SDK1: variants seen among roughly 807,000 people sequenced by gnomAD.
The protein encoded by SDK1 is protein sidekick-1.
In SDK1, 157 loss-of-function variants were observed where a neutral mutation model predicts 245.5. The observed-to-expected ratio is 0.64, with a 90% CI of 0.56 to 0.73. The LOEUF is 0.73. SDK1 is among the 30% of genes least tolerant of loss of function. The pLI is 0.00. For missense variants in SDK1, 3,583 were observed against 3,002.3 expected (o/e 1.19, Z -4.52); for synonymous variants, 1,647 against 1,278.5 (o/e 1.29, Z -6.15).
chr7:4,262,142 G>A (rs1788057893), intron 44 of SDK1, among the ~76,000 whole-genome samples: 1 of 146,322 alleles, frequency 6.8e-6, no homozygotes, highest in Non-Finnish European at 1.5e-5. Context: ...GGGTTCAAGG[G>A]ATTCTCCTGC....
chr7:3,326,771 A>G (rs1341649234), intron 1 of SDK1, among the ~76,000 whole-genome samples: 3 of 152,140 alleles, frequency 2.0e-5, no homozygotes, highest in Non-Finnish European at 4.4e-5. Context: ...ACTCATGGCT[A>G]ATTTTGGTTC....
At chr7:3,935,442 A>G (rs1168737764) in intron 5 of SDK1, among the ~76,000 whole-genome samples, 2 of 152,244 alleles carry the variant, frequency 1.3e-5, no homozygotes, top group African/African-American at 2.4e-5. Context: ...TGAAAAGGCA[A>G]CCTGTGGAAT....
At chr7:3,985,500 G>C (rs1313326493) in intron 13 of SDK1, among the ~76,000 whole-genome samples, 1 of 152,160 alleles carries the variant, frequency 6.6e-6, no homozygotes, top group Non-Finnish European at 1.5e-5. Context: ...AGAAATGACA[G>C]CTCTGCCCAG....
At chr7:3,710,367 T>C (rs1287401017) in intron 4 of SDK1, among the ~76,000 whole-genome samples, 1 of 152,242 alleles carries the variant, frequency 6.6e-6, no homozygotes, top group Non-Finnish European at 1.5e-5. Context: ...CTGGTTATTC[T>C]GTTGTTTCAT....
At chr7:3,477,354 C>G (rs1272906677) in intron 1 of SDK1, among the ~76,000 whole-genome samples, 1 of 151,388 alleles carries the variant, frequency 6.6e-6, no homozygotes, top group Non-Finnish European at 1.5e-5. Context: ...CGCCACCACA[C>G]CTGGTGAATT....
chr7:3,311,317 G>A (rs1257057395), intron 1 of SDK1, among the ~76,000 whole-genome samples: 1 of 152,126 alleles, frequency 6.6e-6, no homozygotes, highest in Non-Finnish European at 1.5e-5. Context: ...GTAAATAGAT[G>A]AGAACAAAAG....
chr7:3,638,954 C>G, intron 2 of SDK1, 50 bp from the exon 3 acceptor site: 1 of 1,142,778 alleles, frequency 8.8e-7, no homozygotes, highest in Non-Finnish European at 1.3e-6. Flanking sequence ...TTAGATATAA[C>G]CATGAAACAC....
rs1212098297 is a variant in SDK1 at position 4,193,456 on chromosome 7, A to G, written c.5099-12423A>G. Among the ~76,000 whole-genome samples, 5 of 148,948 alleles carry G rather than the reference A, an allele frequency of 3.4e-5. No individual in the cohort carries two copies. In the Admixed American group the frequency reaches 3.4e-4, roughly 10 times the overall value. Reference sequence around the variant, plus strand: ...GCACAAGGACCAACAATAGGCTGGGATATTGCCACTACTGGGGATGAGGAA... The same window carrying G: ...GCACAAGGACCAACAATAGGCTGGGGTATTGCCACTACTGGGGATGAGGAA... On this transcript the variant is annotated intron_variant, in intron 35 of 44. Coordinates refer to ENST00000404826, the MANE Select transcript of SDK1 (RefSeq NM_152744.4).
At chr7:3,674,474 TG>T (rs1349733637) in intron 4 of SDK1, among the ~76,000 whole-genome samples, 1 of 152,092 alleles carries the variant, frequency 6.6e-6, no homozygotes, top group African/African-American at 2.4e-5. Flanking sequence ...CAGGGGCCTT[TG>T]CTGAGGCTGG....
chr7:4,106,984 C>T (rs56309858), intron 22 of SDK1, among the ~76,000 whole-genome samples: 38,875 of 151,684 alleles, frequency 0.26, 5,098 homozygotes, highest in Middle Eastern at 0.29. Context: ...GCCAGACAGA[C>T]TGAATCCATA....
chr7:3,883,379 C>T (rs576623376), intron 5 of SDK1, among the ~76,000 whole-genome samples: 81 of 152,310 alleles, frequency 5.3e-4, no homozygotes, highest in Non-Finnish European at 5.7e-4. Context: ...CGTGCCTGAA[C>T]GGCTAAGTGC....
At chr7:3,329,413 C>T (rs1281543870) in intron 1 of SDK1, among the ~76,000 whole-genome samples, 1 of 152,056 alleles carries the variant, frequency 6.6e-6, no homozygotes, top group Non-Finnish European at 1.5e-5. Context: ...TGAAAGTGTA[C>T]AATTCAATAG....
At chr7:3,526,215 A>G (rs1295326949) in intron 1 of SDK1, among the ~76,000 whole-genome samples, 1 of 152,014 alleles carries the variant, frequency 6.6e-6, no homozygotes, top group Admixed American at 6.5e-5. Flanking sequence ...CCTGGGAGAC[A>G]GAGCGAGACT....
intron 5 of SDK1, among the ~76,000 whole-genome samples, chr7:3,950,057 C>T (rs902422942): frequency 1.3e-5 from 2 of 152,142 alleles, no homozygotes; most frequent in African/African-American, 4.8e-5. Flanking sequence ...ACTCTTAAAT[C>T]AATAAAAGAA....
intron 5 of SDK1, among the ~76,000 whole-genome samples, chr7:3,896,569 G>A (rs553424019): frequency 6.6e-6 from 1 of 152,326 alleles, no homozygotes; most frequent in East Asian, 1.9e-4. Flanking sequence ...AACTCAGCAA[G>A]CCCACTGGGA....
Position 3,446,018 on chromosome 7 carries a change from GA to G in SDK1, c.298+144135del, listed in dbSNP as rs1780332005. On this transcript the variant is annotated intron_variant, in intron 1 of 44. Transcript: ENST00000404826. ...TCATTTGCCAAGGATAATTTTGCTG[GA>G]TATAGAATTTGCAGTTGACAGCTCT... 2.6e-5 allele frequency among the ~76,000 whole-genome samples: 4 copies of G among 152,036 alleles called. No homozygotes were observed. In the South Asian group the frequency reaches 8.3e-4, roughly 32 times the overall value.
intron 4 of SDK1, among the ~76,000 whole-genome samples, chr7:3,813,874 A>C (rs970651125): frequency 8.0e-6 from 1 of 125,534 alleles, no homozygotes; most frequent in African/African-American, 3.3e-5. Context: ...GATGATGAGC[A>C]TTTTTTCATG....
At chr7:3,917,973 T>C (rs1779443889) in intron 5 of SDK1, among the ~76,000 whole-genome samples, 1 of 152,218 alleles carries the variant, frequency 6.6e-6, no homozygotes, top group South Asian at 2.1e-4. Flanking sequence ...GTTGTACTTC[T>C]AGTTTTCTGT....
At chr7:3,883,994 CT>C (rs1023811157) in intron 5 of SDK1, among the ~76,000 whole-genome samples, 1 of 152,042 alleles carries the variant, frequency 6.6e-6, no homozygotes, top group African/African-American at 2.4e-5. Context: ...GTCCAACCCC[CT>C]TAGGAAGATA....
Sources: gnomAD v4.1 joint callset for allele counts (sites outside exome capture counted in the v4.1 genomes callset) on GRCh38, gnomAD v4.1.1 for gene constraint, MANE v1.5 for transcripts, NCBI Gene and HGNC (gene_info 2026-07-23, HGNC 2026-07-21) for gene names.